AGPAT4: variants seen among roughly 807,000 people sequenced by gnomAD.
The protein encoded by AGPAT4 is 1-acylglycerol-3-phosphate O-acyltransferase 4.
In AGPAT4, 15 loss-of-function variants were observed where a neutral mutation model predicts 48.0. The observed-to-expected ratio is 0.31, with a 90% confidence interval of 0.21 to 0.48. The LOEUF is 0.48. AGPAT4 is among the 20% of genes least tolerant of loss of function. The probability of loss-of-function intolerance (pLI) is 0.99; values close to 1 mark genes in which losing one functional copy is unlikely to be tolerated. For synonymous variants in AGPAT4, 178 were observed against 198.7 expected (o/e 0.90, Z 0.88); for missense variants, 314 against 482.5 (o/e 0.65, Z 3.27).
intron 1 of AGPAT4, among the ~76,000 whole-genome samples, chr6:161,248,390 C>T (rs1326622211): frequency 2.0e-5 from 3 of 151,532 alleles, no homozygotes; most frequent in Non-Finnish European, 4.4e-5. Flanking sequence ...CTGGCTAACA[C>T]AGTGAAACTC....
chr6:161,258,573 A>G (rs548138763), intron 1 of AGPAT4, among the ~76,000 whole-genome samples: 107 of 152,160 alleles, frequency 7.0e-4, no homozygotes, highest in Non-Finnish European at 1.4e-3. Context: ...CCTAGAAAAC[A>G]GGAGAGTTCT....
At chr6:161,256,327 A>G (rs1582913793) in intron 1 of AGPAT4, among the ~76,000 whole-genome samples, 1 of 152,186 alleles carries the variant, frequency 6.6e-6, no homozygotes, top group Non-Finnish European at 1.5e-5. Context: ...GACGGCAGCG[A>G]CCGCCACCAT....
In AGPAT4 at chr6:161,132,871, AC is replaced by A. The variant is rs1339607307; in HGVS notation, c.*3668del. The A allele has an allele frequency of 1.3e-5, 2 of 152,300 alleles. No individual in the cohort carries two copies. The highest frequency in any genetic ancestry group is 4.8e-5 in the African/African-American group (2 of 41,466). 9.4% of individuals were successfully genotyped at this position (152,300 alleles called of 1,614,324 possible). ...GCAGTGGCCTCCTGGTCAGCTACAG[AC>A]ACAGGCGGGTTAGGGCCCGTCTTGC... is the stretch of plus-strand genomic sequence containing the variant. On this transcript the variant is annotated 3_prime_UTR_variant, in exon 9 of 9. Transcript: ENST00000320285.
At chr6:161,257,075 AG>A (rs1782964035) in intron 1 of AGPAT4, among the ~76,000 whole-genome samples, 1 of 152,324 alleles carries the variant, frequency 6.6e-6, no homozygotes, top group East Asian at 1.9e-4. Context: ...GAGATGTTGG[AG>A]ATGGGGGGAA....
In AGPAT4 at chr6:161,161,168, T is replaced by C. The variant is rs552463875; in HGVS notation, c.348+5080A>G. 1 of 456,710 alleles carries C rather than the reference T, an allele frequency of 2.2e-6. No homozygotes were observed. The highest frequency in any genetic ancestry group is 2.3e-5 in the Admixed American group (1 of 42,584). The allele number at this position is 456,710 out of a possible 1,614,324, so 28.3% of individuals were successfully genotyped here. A position where few individuals can be genotyped will look rare whatever the true frequency, so the allele number is the denominator to read the frequency against. On this transcript the variant is annotated intron_variant, in intron 3 of 8. Transcript: ENST00000320285. The surrounding 1 kb of genome is among the most constrained non-coding windows in gnomAD (Gnocchi z 4.6). ...CTTTATGAGCGGTGGGATCAGACTC[T>C]GGCTTGTTAAAGACACTGCCAGAGG... is the stretch of plus-strand genomic sequence containing the variant.
At position 161,137,004 on chromosome 6, in the gene AGPAT4, A is replaced by G. The variant is rs7768457; in HGVS notation, c.1043-370T>C. On this transcript the variant is annotated intron_variant, in intron 8 of 8. Coordinates refer to ENST00000320285, the MANE Select transcript of AGPAT4 (RefSeq NM_020133.3). The surrounding 1 kb of genome is among the most constrained non-coding windows in gnomAD (Gnocchi z 6.1). ...GACAGGAAGTTAACAGGGCATGTTC[A>G]GCGAAGTTTTATAAAGAACAGACCA... Among the ~76,000 whole-genome samples, 45,435 of 152,156 alleles carry G rather than the reference A, an allele frequency of 0.3. 7,569 individuals are homozygous for G. The highest frequency in any genetic ancestry group is 0.42 in the African/African-American group (17,404 of 41,476).
chr6:161,263,806 A>G (rs1364602293), intron 1 of AGPAT4, among the ~76,000 whole-genome samples: 1 of 152,168 alleles, frequency 6.6e-6, no homozygotes, highest in African/African-American at 2.4e-5. Context: ...GTTTCTGCAC[A>G]TTTTGAAACA....
chr6:161,271,785 T>G (rs1373280554), intron 1 of AGPAT4, among the ~76,000 whole-genome samples: 1 of 152,224 alleles, frequency 6.6e-6, no homozygotes, highest in Non-Finnish European at 1.5e-5. Context: ...TGTGAAATTT[T>G]GAATCTGGAA....
chr6:161,268,442 C>T (rs79926662), intron 1 of AGPAT4, among the ~76,000 whole-genome samples: 7,327 of 152,262 alleles, frequency 0.048, 296 homozygotes, highest in East Asian at 0.23. Context: ...CTGACCCATC[C>T]TCTAAGTTCC....
intron 2 of AGPAT4, among the ~76,000 whole-genome samples, chr6:161,179,248 T>C (rs577401242): frequency 1.3e-5 from 2 of 152,038 alleles, no homozygotes; most frequent in South Asian, 4.2e-4. Context: ...GCCCCCAGAG[T>C]TAGGACGTGT....
chr6:161,258,139 T>C (rs984666343), intron 1 of AGPAT4, among the ~76,000 whole-genome samples: 1 of 152,196 alleles, frequency 6.6e-6, no homozygotes, highest in African/African-American at 2.4e-5. Flanking sequence ...GAATTTTACT[T>C]ATCTCCAGTC....
chr6:161,176,750 A>G (rs4314476), intron 2 of AGPAT4, among the ~76,000 whole-genome samples: 8,458 of 152,152 alleles, frequency 0.056, 330 homozygotes, highest in Non-Finnish European at 0.071. Flanking sequence ...GGTCTTTACA[A>G]TTTGGCATGT....
rs975127169 is a variant in AGPAT4, at chr6:161,141,213, C to G, written c.844-1593G>C. 1.3e-5 allele frequency among the ~76,000 whole-genome samples: 2 copies of G among 152,096 alleles called. No homozygotes were observed. Among genetic ancestry groups the G allele is most frequent in the African/African-American group, 4.8e-5 (2 of 41,406 alleles). Reference sequence around the variant, plus strand: ...GGTGCCTCTGCTCTGTCCTCGGCCCCCTGCAGCCCATTAACAAGCCTGGTC... The same window carrying G: ...GGTGCCTCTGCTCTGTCCTCGGCCCGCTGCAGCCCATTAACAAGCCTGGTC... On this transcript the variant is annotated intron_variant, in intron 7 of 8. Transcript: ENST00000320285. The surrounding 1 kb of genome is among the most constrained non-coding windows in gnomAD (Gnocchi z 6.7).
At position 161,251,611 on chromosome 6, in the gene AGPAT4, C is replaced by T. The variant is rs980422740; in HGVS notation, c.-89-19309G>A. On this transcript the variant is annotated intron_variant, in intron 1 of 8. Transcript: ENST00000320285. This position sits in a 1 kb window ranked among gnomAD's most constrained non-coding sequence, Gnocchi z 4.6. ...CCTGTCCGGCCGCTGGTTAAAGACC[C>T]GCAGGGAGGATGGAAGCTGCGCCTG... Among the ~76,000 whole-genome samples, 4 of 152,192 alleles carry T rather than the reference C, an allele frequency of 2.6e-5. No individual in the cohort carries two copies. The highest frequency in any genetic ancestry group is 2.1e-4 in the South Asian group (1 of 4,828).
intron 2 of AGPAT4, among the ~76,000 whole-genome samples, chr6:161,182,801 A>T (rs1415527566): frequency 6.6e-6 from 1 of 152,218 alleles, no homozygotes; most frequent in East Asian, 1.9e-4. Context: ...CAGGAGAGGG[A>T]CACTGGGCAC....
rs1263623934 is a variant in AGPAT4 at position 161,189,734 on chromosome 6, C to A, written c.179-23317G>T. Among the ~76,000 whole-genome samples the A allele has an allele frequency of 6.6e-6, 1 of 152,186 alleles. No individual in the cohort carries two copies. The highest frequency in any genetic ancestry group is 2.4e-5 in the African/African-American group (1 of 41,430). On this transcript the variant is annotated intron_variant, in intron 2 of 8. Coordinates refer to ENST00000320285, the MANE Select transcript of AGPAT4 (RefSeq NM_020133.3). This position sits in a 1 kb window ranked among gnomAD's most constrained non-coding sequence, Gnocchi z 5.3. ...CCACCTGCCCCTTCCTCACCCACCG[C>A]CCTCCTAACCCCTCTCTCCTCCACC...
chr6:161,153,571 GGGGTCACACACAGCCCCA>G (rs1779656040), intron 4 of AGPAT4, 72 bp from the exon 5 acceptor site: 1 of 1,544,810 alleles, frequency 6.5e-7, no homozygotes, highest in East Asian at 2.3e-5. Flanking sequence ...GCATGGCCCT[GGGGTCACACACAGCCCCA>G]GGGTCACATA....
chr6:161,247,672 C>A (rs372607766), intron 1 of AGPAT4, among the ~76,000 whole-genome samples: 2 of 152,162 alleles, frequency 1.3e-5, no homozygotes, highest in African/African-American at 2.4e-5. Context: ...TCTCTCACCA[C>A]GCCTATTCAA....
At chr6:161,250,099 C>A (rs1428240685) in intron 1 of AGPAT4, among the ~76,000 whole-genome samples, 2 of 148,354 alleles carry the variant, frequency 1.3e-5, no homozygotes, top group Non-Finnish European at 2.9e-5. Context: ...AAACAGAAAA[C>A]CAAACACCAC....
Sources: gnomAD v4.1 joint callset for allele counts (sites outside exome capture counted in the v4.1 genomes callset) on GRCh38, gnomAD v4.1.1 for gene constraint, Gnocchi (gnomAD v3.1) non-coding constraint, MANE v1.5 for transcripts, NCBI Gene and HGNC (gene_info 2026-07-23, HGNC 2026-07-21) for gene names.